CACNA1C: variants seen among roughly 807,000 people sequenced by gnomAD.
CACNA1C encodes the protein calcium voltage-gated channel subunit alpha1 C.
CACNA1C carries 30 observed loss-of-function variants against 229.0 expected under a neutral mutation model. That is an observed-to-expected ratio of 0.13 (90% CI 0.10 to 0.18). The LOEUF (loss-of-function observed/expected upper bound fraction) is 0.18. Ranked by LOEUF, CACNA1C falls within the 10% of genes least tolerant of loss-of-function variation. The probability of loss-of-function intolerance (pLI) is 1.00; values close to 1 mark genes in which losing one functional copy is unlikely to be tolerated. For synonymous variants in CACNA1C, 1,114 were observed against 1,132.5 expected, an observed-to-expected ratio of 0.98 and a Z score of 0.33; for missense variants, 1,658 against 2,845.0, an observed-to-expected ratio of 0.58 and a Z score of 9.49.
At position 2,694,655 on chromosome 12, in the gene CACNA1C, C is replaced by T. The variant is rs774696835; in HGVS notation, c.*3456C>T. 3.9e-5 allele frequency: 6 copies of T among 152,254 alleles called. No individual in the cohort carries two copies. Among genetic ancestry groups the T allele is most frequent in the Non-Finnish European group, 7.3e-5 (5 of 68,062 alleles). 9.4% of individuals were successfully genotyped at this position (152,254 alleles called of 1,614,324 possible). A position where few individuals can be genotyped will look rare whatever the true frequency, so the allele number is the denominator to read the frequency against. ...CAGGTGCTTGTCTGGAGTGAAGCTA[C>T]CCGTTACTTTCTCCCAGCTTTTCTC... On this transcript the variant is annotated 3_prime_UTR_variant, in exon 47 of 47. Coordinates refer to ENST00000399655, the MANE Select transcript of CACNA1C (RefSeq NM_000719.7).
intron 3 of CACNA1C, among the ~76,000 whole-genome samples, chr12:2,205,069 G>A (rs2097715946): frequency 6.6e-6 from 1 of 152,118 alleles, no homozygotes; most frequent in African/African-American, 2.4e-5. Context: ...CACATGTGTG[G>A]GAGGCTCTGC....
chr12:2,470,504 T>C (rs1224975735), intron 5 of CACNA1C, among the ~76,000 whole-genome samples: 1 of 152,216 alleles, frequency 6.6e-6, no homozygotes, highest in African/African-American at 2.4e-5. Context: ...CCTGTTATTA[T>C]TGGTTGATTC....
chr12:2,604,863 C>T (rs951269811), intron 22 of CACNA1C, among the ~76,000 whole-genome samples: 8 of 152,104 alleles, frequency 5.3e-5, no homozygotes, highest in Non-Finnish European at 8.8e-5. Context: ...ATTTAGTCAC[C>T]CACAGGAAAG....
At chr12:2,497,162 C>T (rs1197169619) in intron 7 of CACNA1C, among the ~76,000 whole-genome samples, 1 of 152,232 alleles carries the variant, frequency 6.6e-6, no homozygotes, top group African/African-American at 2.4e-5. Context: ...TCTGCTGGGT[C>T]AGCCTCCTTT....
intron 3 of CACNA1C, among the ~76,000 whole-genome samples, chr12:2,343,997 T>C (rs1160476462): frequency 6.6e-6 from 1 of 152,200 alleles, no homozygotes; most frequent in Non-Finnish European, 1.5e-5. Context: ...GGTGCCACCT[T>C]CCCCACACAC....
intron 10 of CACNA1C, among the ~76,000 whole-genome samples, chr12:2,550,929 A>G (rs116413037): frequency 0.015 from 2,351 of 152,328 alleles, 69 homozygotes; most frequent in African/African-American, 0.054. Context: ...TCACTCTGAC[A>G]CTGGCACCAG....
intron 3 of CACNA1C, among the ~76,000 whole-genome samples, chr12:2,137,824 T>C (rs559328526): frequency 2.0e-5 from 3 of 151,176 alleles, no homozygotes; most frequent in Non-Finnish European, 4.4e-5. Context: ...GGGTGGTGAG[T>C]GGTGTGGCTG....
chr12:2,550,730 G>A (rs574506137), intron 10 of CACNA1C: 203 of 1,205,988 alleles, frequency 1.7e-4, no homozygotes, highest in Middle Eastern at 1.6e-3. Context: ...TTCCCTCCTC[G>A]TCTGTGGAAT....
At chr12:2,518,631 C>T (rs982074048) in intron 9 of CACNA1C, among the ~76,000 whole-genome samples, 2 of 151,786 alleles carry the variant, frequency 1.3e-5, no homozygotes, top group Admixed American at 6.6e-5. Context: ...AAAATCAGTA[C>T]GATCAGTATT....
chr12:1,989,394 A>G (rs1361406286), intron 1 of CACNA1C, among the ~76,000 whole-genome samples: 2 of 152,124 alleles, frequency 1.3e-5, no homozygotes, highest in Non-Finnish European at 2.9e-5. Flanking sequence ...AGAAAAAGGA[A>G]AGAGGAAAGA....
At chr12:2,610,414 T>G in intron 27 of CACNA1C, 127 bp from the exon 28 acceptor site, 1 of 930,942 alleles carries the variant, frequency 1.1e-6, no homozygotes. Flanking sequence ...GCCAATGATT[T>G]CTCAGACTTC....
intron 43 of CACNA1C, among the ~76,000 whole-genome samples, chr12:2,685,520 G>T (rs1240788084): frequency 6.6e-6 from 1 of 152,020 alleles, no homozygotes; most frequent in African/African-American, 2.4e-5. Flanking sequence ...ACAGGCTGCG[G>T]GTGAGGAGCT....
intron 30 of CACNA1C, among the ~76,000 whole-genome samples, chr12:2,640,371 G>A (rs2238094): frequency 0.053 from 8,064 of 152,256 alleles, 243 homozygotes; most frequent in Middle Eastern, 0.1. Flanking sequence ...TCCTGGCAAC[G>A]GGACTTGGGG....
chr12:2,676,938 G>GT (rs994257938), intron 39 of CACNA1C, 156 bp from the exon 40 acceptor site: 91 of 607,598 alleles, frequency 1.5e-4, no homozygotes, highest in South Asian at 5.3e-4. Flanking sequence ...CCTTTTTATG[G>GT]TTTTTTTTCT....
Position 2,689,080 on chromosome 12 carries a change from A to C in CACNA1C, c.6117+301A>C, listed in dbSNP as rs1264635638. On this transcript the variant is annotated intron_variant, in intron 46 of 46. Transcript: ENST00000399655. The surrounding 1 kb of genome is among the most constrained non-coding windows in gnomAD (Gnocchi z 4.2). ...AATGTGAGCCTGGCTGCCTTTATAC[A>C]CAGACAGGCAAGATCCAAGGTGCTC... Among the ~76,000 whole-genome samples the C allele has an allele frequency of 6.6e-6, 1 of 152,124 alleles. No individual in the cohort carries two copies. Among genetic ancestry groups the C allele is most frequent in the South Asian group, 2.1e-4 (1 of 4,826 alleles).
intron 38 of CACNA1C, among the ~76,000 whole-genome samples, chr12:2,672,934 A>G (rs1243751081): frequency 6.6e-6 from 1 of 152,184 alleles, no homozygotes; most frequent in African/African-American, 2.4e-5. Flanking sequence ...AAGGCCCAGG[A>G]GTCGTCCCCT....
chr12:2,369,232 A>G (rs1415364759), intron 3 of CACNA1C, among the ~76,000 whole-genome samples: 1 of 152,146 alleles, frequency 6.6e-6, no homozygotes, highest in African/African-American at 2.4e-5. Context: ...CAATTTATGT[A>G]TGGTAAAAAT....
intron 3 of CACNA1C, among the ~76,000 whole-genome samples, chr12:2,141,812 A>T (rs976758931): frequency 6.6e-6 from 1 of 151,206 alleles, no homozygotes; most frequent in Non-Finnish European, 1.5e-5. Flanking sequence ...TCTATCTGGA[A>T]GTGGGGTGAG....
intron 3 of CACNA1C, among the ~76,000 whole-genome samples, chr12:2,382,009 C>T (rs1244634718): frequency 6.6e-6 from 1 of 152,214 alleles, no homozygotes; most frequent in Non-Finnish European, 1.5e-5. Context: ...GCAGACCCAT[C>T]CCTCTCTGTG....
Sources: allele counts gnomAD v4.1 joint callset (sites outside exome capture counted in the v4.1 genomes callset), GRCh38; gene constraint gnomAD v4.1.1; non-coding constraint Gnocchi (gnomAD v3.1); transcripts MANE v1.5; gene names NCBI Gene and HGNC (gene_info 2026-07-23, HGNC 2026-07-21).